The following CHRAC1 variants were observed in gnomAD, a reference collection of about 807,000 sequenced individuals.
The protein encoded by CHRAC1 is chromatin accessibility complex subunit 1.
CHRAC1 carries 6 observed loss-of-function variants against 9.1 expected under a neutral mutation model. That is an observed-to-expected ratio of 0.66 (90% CI 0.36 to 1.29). CHRAC1 has a LOEUF of 1.29. CHRAC1 is among the 50% of genes most tolerant of loss of function. The probability of loss-of-function intolerance (pLI) is 0.03; values close to 1 mark genes in which losing one functional copy is unlikely to be tolerated. For synonymous variants in CHRAC1, 73 were observed against 64.5 expected (o/e 1.13, Z -0.63); for missense variants, 168 against 163.5 (o/e 1.03, Z -0.15).
Position 140,511,414 on chromosome 8 carries a change from T to A in CHRAC1, c.-86T>A. 1 of 1,187,560 alleles carries A rather than the reference T, an allele frequency of 8.4e-7. No homozygotes were observed. Among genetic ancestry groups the A allele is most frequent in the Non-Finnish European group, 1.1e-6 (1 of 923,590 alleles). 73.6% of individuals were successfully genotyped at this position (1,187,560 alleles called of 1,614,324 possible). A position where few individuals can be genotyped will look rare whatever the true frequency, so the allele number is the denominator to read the frequency against. On this transcript the variant is annotated 5_prime_UTR_variant, in exon 1 of 3. Coordinates refer to ENST00000220913, the MANE Select transcript of CHRAC1 (RefSeq NM_017444.6). ...ACTCCCACGGGGCAGCGGGCGCGGC[T>A]CCCCGTACCCACCAGCTGGCCGGGC...
Position 140,515,426 on chromosome 8 carries a change from C to T in CHRAC1, c.*179C>T. 1 of 516,902 alleles carries T rather than the reference C, an allele frequency of 1.9e-6. No homozygotes were observed. The highest frequency in any genetic ancestry group is 3.2e-6 in the Non-Finnish European group (1 of 312,968). 32.0% of individuals were successfully genotyped at this position (516,902 alleles called of 1,614,324 possible). ...GATTGAGCACCTCATGTACCTACGC[C>T]ACAGACAGCCAGAGGGAAAGCGACC... is the stretch of plus-strand genomic sequence containing the variant. On this transcript the variant is annotated 3_prime_UTR_variant, in exon 3 of 3. Transcript: ENST00000220913.
chr8:140,511,621 C>A lies in CHRAC1; in HGVS notation c.122C>A (p.Ala41Glu). ...GAGGTGTCCAGCATCAACCAGGAGG[C>A]GTTGGTGCTCACGGCCAAGGCCACG... The part of the protein sequence containing the change: ...SPEVSSINQE[A>E]LVLTAKATEL... Residue 41 changes from alanine to glutamate, a missense_variant, in exon 1 of 3, where the codon GCG (alanine) becomes GAG (glutamate). Transcript: ENST00000220913. 6.9e-7 allele frequency: 1 copy of A among 1,450,456 alleles called. No homozygotes were observed. The highest frequency in any genetic ancestry group is 9.1e-7 in the Non-Finnish European group (1 of 1,093,458). 89.8% of individuals were successfully genotyped at this position (1,450,456 alleles called of 1,614,324 possible).
At position 140,511,423 on chromosome 8, in the gene CHRAC1, C is replaced by G; in HGVS notation, c.-77C>G. 8.1e-7 allele frequency: 1 copy of G among 1,234,680 alleles called. No individual in the cohort carries two copies. The highest frequency in any genetic ancestry group is 1.0e-6 in the Non-Finnish European group (1 of 963,710). 76.5% of individuals were successfully genotyped at this position (1,234,680 alleles called of 1,614,324 possible). A position where few individuals can be genotyped will look rare whatever the true frequency, so the allele number is the denominator to read the frequency against. On this transcript the variant is annotated 5_prime_UTR_variant, in exon 1 of 3. Transcript: ENST00000220913. The stretch of plus-strand genomic sequence containing the variant: ...GGGCAGCGGGCGCGGCTCCCCGTAC[C>G]CACCAGCTGGCCGGGCAGGGCAGCC...
At chr8:140,513,615 T>TA (rs2072304374) in intron 1 of CHRAC1, among the ~76,000 whole-genome samples, 1 of 151,172 alleles carries the variant, frequency 6.6e-6, no homozygotes, top group Non-Finnish European at 1.5e-5. Context: ...TTTTTTTTTT[T>TA]ATTTTATTTT....
At chr8:140,513,732 C>T (rs894465752) in intron 1 of CHRAC1, among the ~76,000 whole-genome samples, 11 of 152,236 alleles carry the variant, frequency 7.2e-5, no homozygotes, top group Admixed American at 2.0e-4. Flanking sequence ...CAGGCCTGAG[C>T]CACAGCTCCC....
chr8:140,511,379 C>G lies in CHRAC1; in HGVS notation c.-121C>G, dbSNP rs1054327962. ...CTCCCGGCCTCGCGGCCTCGCCTCC[C>G]CACACTACAACTCCCACGGGGCAGC... On this transcript the variant is annotated 5_prime_UTR_variant, in exon 1 of 3. Coordinates refer to ENST00000220913, the MANE Select transcript of CHRAC1 (RefSeq NM_017444.6). 8.5e-6 allele frequency: 8 copies of G among 937,636 alleles called. No individual in the cohort carries two copies. The highest frequency in any genetic ancestry group is 1.1e-5 in the Non-Finnish European group (8 of 707,746). 58.1% of individuals were successfully genotyped at this position (937,636 alleles called of 1,614,324 possible).
In CHRAC1 at chr8:140,511,336, A is replaced by T; in HGVS notation, c.-164A>T. On this transcript the variant is annotated 5_prime_UTR_variant, in exon 1 of 3. Transcript: ENST00000220913. ...GGGCGCGAGGCCTCACGGAGCTCGT[A>T]GTTTCCCGGACGGGCCGCTCCCGGC... The T allele has an allele frequency of 4.2e-6, 2 of 481,820 alleles. No individual in the cohort carries two copies. The highest frequency in any genetic ancestry group is 6.5e-6 in the Non-Finnish European group (2 of 305,540). 29.8% of individuals were successfully genotyped at this position (481,820 alleles called of 1,614,324 possible).
intron 1 of CHRAC1, among the ~76,000 whole-genome samples, chr8:140,513,921 T>C (rs1463319366): frequency 1.7e-5 from 2 of 115,342 alleles, no homozygotes; most frequent in East Asian, 4.0e-4. Context: ...TTCTTTTTTT[T>C]TTTTTTTTTT....
chr8:140,514,349 C>A lies in CHRAC1; in HGVS notation c.148-20C>A. ...ATTTTCAAAGCACACCTTTCATTTG[C>A]ATTTTTCATTTTGTTCTAGGAGCTC... On this transcript the variant is annotated intron_variant, in intron 1 of 2. Transcript: ENST00000220913. 1 of 1,565,258 alleles carries A rather than the reference C, an allele frequency of 6.4e-7. No individual in the cohort carries two copies. Among genetic ancestry groups the A allele is most frequent in the Non-Finnish European group, 8.6e-7 (1 of 1,165,872 alleles).
intron 1 of CHRAC1, chr8:140,511,850 C>T (rs970972396): frequency 5.3e-6 from 4 of 748,854 alleles, no homozygotes; most frequent in South Asian, 1.5e-5. Context: ...CTTCGCCCCG[C>T]CCACCCCTCG....
intron 1 of CHRAC1, chr8:140,511,914 G>T (rs1386126173): frequency 1.8e-6 from 2 of 1,098,302 alleles, no homozygotes; most frequent in Non-Finnish European, 2.5e-6. Flanking sequence ...CGCCTCTCCC[G>T]CCCTTTGTCG....
intron 1 of CHRAC1, 21 bp from the exon 2 acceptor site, chr8:140,514,348 G>A (rs767017035): frequency 1.4e-5 from 22 of 1,563,834 alleles, no homozygotes; most frequent in Non-Finnish European, 1.7e-5. Flanking sequence ...CCTTTCATTT[G>A]CATTTTTCAT....
intron 2 of CHRAC1, chr8:140,514,775 T>C: frequency 2.8e-6 from 1 of 353,730 alleles, no homozygotes; most frequent in Non-Finnish European, 5.1e-6. Context: ...ACAGGGACCC[T>C]GCCTGCCACT....
rs1311647986 is a variant in CHRAC1 at position 140,513,434 on chromosome 8, A to AT, written c.148-926dup. ...TTTGAATGGCTTTTTGCTACTTTCT[A>AT]TTTTTTTTTCTTTTTTTTTGAGACG... is the stretch of plus-strand genomic sequence containing the variant. On this transcript the variant is annotated intron_variant, in intron 1 of 2. Coordinates refer to ENST00000220913, the MANE Select transcript of CHRAC1 (RefSeq NM_017444.6). Among the ~76,000 whole-genome samples, 34 of 150,568 alleles carry AT rather than the reference A, an allele frequency of 2.3e-4. No homozygotes were observed. In the East Asian group the frequency reaches 5.1e-3, roughly 22 times the overall value.
At position 140,516,187 on chromosome 8, in the gene CHRAC1, G is replaced by A. The variant is rs1444907014; in HGVS notation, c.*940G>A. The A allele has an allele frequency of 7.0e-6, 1 of 142,852 alleles. No individual in the cohort carries two copies. The highest frequency in any genetic ancestry group is 1.5e-5 in the Non-Finnish European group (1 of 66,728). The allele number at this position is 142,852 out of a possible 1,614,324, so 8.8% of individuals were successfully genotyped here. A position where few individuals can be genotyped will look rare whatever the true frequency, so the allele number is the denominator to read the frequency against. ...TTTAAAGACAGATTCTCACTCAGTT[G>A]CCCAGGCTGGATTGCGGTGGCGCTG... On this transcript the variant is annotated 3_prime_UTR_variant, in exon 3 of 3. Coordinates refer to ENST00000220913, the MANE Select transcript of CHRAC1 (RefSeq NM_017444.6).
chr8:140,514,182 C>T (rs758723369), intron 1 of CHRAC1, 187 bp from the exon 2 acceptor site: 68 of 509,552 alleles, frequency 1.3e-4, no homozygotes, highest in Non-Finnish European at 2.0e-4. Context: ...TTAGTATTAC[C>T]AGCGTGAGCC....
chr8:140,512,208 T>A (rs998115465), intron 1 of CHRAC1, among the ~76,000 whole-genome samples: 4 of 152,128 alleles, frequency 2.6e-5, no homozygotes, highest in African/African-American at 9.7e-5. Context: ...CCTGCCTTTT[T>A]CTTGTCACTG....
chr8:140,512,723 G>A (rs2132814192), intron 1 of CHRAC1, among the ~76,000 whole-genome samples: 1 of 152,220 alleles, frequency 6.6e-6, no homozygotes, highest in Admixed American at 6.5e-5. Flanking sequence ...TAGAGCCCAG[G>A]GAAATAATTG....
intron 1 of CHRAC1, among the ~76,000 whole-genome samples, chr8:140,514,106 A>C (rs1588417941): frequency 6.7e-6 from 1 of 150,372 alleles, no homozygotes; most frequent in South Asian, 2.1e-4. Context: ...GGGTTTCACT[A>C]TGTTGGCCAG....
Sources: gnomAD v4.1 joint callset for allele counts (sites outside exome capture counted in the v4.1 genomes callset) on GRCh38, gnomAD v4.1.1 for gene constraint, MANE v1.5 for transcripts, NCBI Gene and HGNC (gene_info 2026-07-23, HGNC 2026-07-21) for gene names.